Variants in DNAJA4 observed in about 807,000 individuals in gnomAD.
The protein encoded by DNAJA4 is dnaJ homolog subfamily A member 4.
A neutral mutation model predicts 39.7 loss-of-function variants in DNAJA4; 32 were observed. That is an observed-to-expected ratio of 0.81 (90% CI 0.61 to 1.08). The LOEUF is 1.08. Among genes scored for constraint, DNAJA4 ranks in the 50% least tolerant of loss-of-function variants. DNAJA4 has a pLI of 0.00. For synonymous variants in DNAJA4, 184 were observed against 182.4 expected (o/e 1.01, Z -0.07); for missense variants, 439 against 505.1 (o/e 0.87, Z 1.25).
At chr15:78,264,472 A>G (rs2049057757), upstream of DNAJA4, 1 of 1,323,160 alleles carries the variant, frequency 7.6e-7, no homozygotes, top group Non-Finnish European at 9.6e-7. Flanking sequence ...AACCTCCGCG[A>G]AGGTTCTAGG....
At chr15:78,273,751 T>A (rs1293599926) in intron 3 of DNAJA4, among the ~76,000 whole-genome samples, 1 of 152,200 alleles carries the variant, frequency 6.6e-6, no homozygotes, top group South Asian at 2.1e-4. Context: ...TTGTAATTTT[T>A]AAAAAACCTG....
chr15:78,265,473 T>C (rs1453496162), intron 1 of DNAJA4: 2 of 702,252 alleles, frequency 2.8e-6, no homozygotes, highest in Non-Finnish European at 5.2e-6. Context: ...ATTTTCTTTA[T>C]TAAACAGGGA....
chr15:78,274,346 C>T lies in DNAJA4; in HGVS notation c.568C>T (p.Pro190Ser). The T allele has an allele frequency of 6.2e-7, 1 of 1,614,192 alleles. No individual in the cohort carries two copies. The highest frequency in any genetic ancestry group is 8.5e-7 in the Non-Finnish European group (1 of 1,180,044). The change falls in exon 4 of 7, where the codon CCC (proline) becomes TCC (serine). Residue 190 changes from proline (P) to serine (S), a missense_variant. Physicochemically the swap from Pro to Ser is moderately conservative, Grantham distance 74. Transcript: ENST00000394852. ...CAAGGGCCAGGGTGAGCGCATCAAC[C>T]CCAAGGACCGCTGCGAGAGCTGCAG... Reference protein sequence around the residue: ...ECKGQGERINPKDRCESCSGA... With the variant: ...ECKGQGERINSKDRCESCSGA...
intron 1 of DNAJA4, 27 bp from the exon 2 acceptor site, chr15:78,270,470 A>AAT (rs780555053): frequency 1.3e-6 from 2 of 1,587,962 alleles, no homozygotes; most frequent in Non-Finnish European, 1.7e-6. Flanking sequence ...ACTTCTCTAA[A>AAT]AATCTCTCTC....
chr15:78,278,358 T>C (rs751322757), intron 5 of DNAJA4: 16 of 448,460 alleles, frequency 3.6e-5, no homozygotes, highest in Middle Eastern at 5.4e-4. Context: ...GAAGGGGATA[T>C]GTTCTGAGAG....
At chr15:78,268,959 A>T (rs2049219987) in intron 1 of DNAJA4, among the ~76,000 whole-genome samples, 1 of 152,212 alleles carries the variant, frequency 6.6e-6, no homozygotes, top group African/African-American at 2.4e-5. Flanking sequence ...ACCAGGAGGC[A>T]TCCCTGAGAA....
At position 78,274,197 on chromosome 15, in the gene DNAJA4, G is replaced by T. The variant is rs897684172; in HGVS notation, c.419G>T (p.Gly140Val). 7 of 1,613,262 alleles carry T rather than the reference G, an allele frequency of 4.3e-6. No individual in the cohort carries two copies. The highest frequency in any genetic ancestry group is 5.1e-6 in the Non-Finnish European group (6 of 1,179,514). Residue 140 changes from glycine (G) to valine (V), a missense_variant and splice_region_variant, in exon 4 of 7, where the codon GGT becomes GTT. Physicochemically the swap from Gly to Val is moderately radical, Grantham distance 109 (BLOSUM62 -3). Transcript: ENST00000394852. ...ATTCCTGCCTCCCCTGACCCTGCAG[G>T]TGTTGGTGGGAAGAAGGGATCGGTG... Reference protein sequence around the residue: ...QKNVICEKCEGVGGKKGSVEK... With the variant: ...QKNVICEKCEVVGGKKGSVEK...
Position 78,281,787 on chromosome 15 carries a change from T to C in DNAJA4, c.*1327T>C, listed in dbSNP as rs1222188521. 5.3e-5 allele frequency: 8 copies of C among 152,344 alleles called. No homozygotes were observed. Among genetic ancestry groups the C allele is most frequent in the African/African-American group, 1.9e-4 (8 of 41,580 alleles). The allele number at this position is 152,344 out of a possible 1,614,324, so 9.4% of individuals were successfully genotyped here. A position where few individuals can be genotyped will look rare whatever the true frequency, so the allele number is the denominator to read the frequency against. On this transcript the variant is annotated 3_prime_UTR_variant, in exon 7 of 7. Coordinates refer to ENST00000394852, the MANE Select transcript of DNAJA4 (RefSeq NM_001130182.2). Reference sequence around the variant, plus strand: ...GAGAGTTTCACTCAGACCAGGGATCTTCCTTAGGAGGGTCAAAGTGCAGAT... The same window carrying C: ...GAGAGTTTCACTCAGACCAGGGATCCTCCTTAGGAGGGTCAAAGTGCAGAT...
At chr15:78,265,431 C>G (rs553554565) in intron 1 of DNAJA4, 1 of 700,396 alleles carries the variant, frequency 1.4e-6, no homozygotes, top group Non-Finnish European at 2.6e-6. Flanking sequence ...CTACTGCCTA[C>G]CTGATAAAAG....
intron 5 of DNAJA4, among the ~76,000 whole-genome samples, chr15:78,276,524 G>A (rs1239109427): frequency 1.3e-5 from 2 of 152,232 alleles, no homozygotes; most frequent in Non-Finnish European, 2.9e-5. Context: ...CCTAGAAGGG[G>A]CTGAGAAGGG....
Position 78,266,171 on chromosome 15 carries a change from C to T in DNAJA4, c.132+1276C>T, listed in dbSNP as rs775583047. Reference sequence around the variant, plus strand: ...CCTGCTCCCTACATTCATTGTGGTCCGCTTCTGACAGTCTCCTTTAAGGAG... The same window carrying T: ...CCTGCTCCCTACATTCATTGTGGTCTGCTTCTGACAGTCTCCTTTAAGGAG... On this transcript the variant is annotated intron_variant, in intron 1 of 6. Transcript: ENST00000394852. 4.6e-5 allele frequency: 72 copies of T among 1,559,092 alleles called. No individual in the cohort carries two copies. In the Middle Eastern group the frequency reaches 1.5e-3, roughly 33 times the overall value.
chr15:78,270,671 A>T lies in DNAJA4; in HGVS notation c.307A>T (p.Arg103Ter). The change falls in exon 2 of 7, where the codon AGA becomes TGA. Residue 103 changes from arginine (R) to a stop codon, truncating the protein, a stop_gained. Transcript: ENST00000394852. LOFTEE classifies it high-confidence loss of function. ...FGGGGRMARERRGKNVVHQLS... is the reference protein window; with the variant it reads ...FGGGGRMARE ...TGGTGGTGGACGGATGGCTAGAGAGAGAAGAGGTAAATGCTTTTAAAGAAA... is the reference window on the plus strand; with the variant it reads ...TGGTGGTGGACGGATGGCTAGAGAGTGAAGAGGTAAATGCTTTTAAAGAAA... 1 of 1,612,372 alleles carries T rather than the reference A, an allele frequency of 6.2e-7. No homozygotes were observed. Among genetic ancestry groups the T allele is most frequent in the Non-Finnish European group, 8.5e-7 (1 of 1,179,462 alleles).
intron 5 of DNAJA4, 69 bp downstream of exon 5, chr15:78,275,797 T>A (rs1195494856): frequency 1.8e-6 from 2 of 1,122,426 alleles, no homozygotes; most frequent in African/African-American, 1.6e-5. Flanking sequence ...CAAGTTAGCC[T>A]GATTTTTTTA....
chr15:78,264,259 G>A (rs2049052402), upstream of DNAJA4: 3 of 1,263,090 alleles, frequency 2.4e-6, no homozygotes, highest in Non-Finnish European at 2.0e-6. Context: ...CGGGGCGGCG[G>A]GACAGTTGTC....
At chr15:78,270,985 T>C (rs1392011334) in intron 2 of DNAJA4, among the ~76,000 whole-genome samples, 1 of 152,152 alleles carries the variant, frequency 6.6e-6, no homozygotes, top group Non-Finnish European at 1.5e-5. Flanking sequence ...GGAGGAAAAC[T>C]TGAGCCCAGG....
At chr15:78,274,618 A>G (rs2049395847) in intron 4 of DNAJA4, 194 bp downstream of exon 4, 3 of 610,352 alleles carry the variant, frequency 4.9e-6, no homozygotes, top group Non-Finnish European at 8.7e-6. Context: ...CACCTGCCAA[A>G]GTGTTCTTGC....
Position 78,275,710 on chromosome 15 carries a change from G to C in DNAJA4, c.859G>C (p.Val287Leu), listed in dbSNP as rs757504374. 1 of 1,609,458 alleles carries C rather than the reference G, an allele frequency of 6.2e-7. No individual in the cohort carries two copies. Among genetic ancestry groups the C allele is most frequent in the South Asian group, 1.1e-5 (1 of 90,984 alleles). The stretch of plus-strand genomic sequence containing the variant: ...AAAAACATTGGACAATCGAATTCTT[G>C]TTATTACATCCAAAGCAGGTAATGT... ...TIKTLDNRIL[V>L]ITSKAGEVIK... Residue 287 changes from valine (V) to leucine (L), a missense_variant, in exon 5 of 7, where the codon GTT (valine) becomes CTT (leucine). By Grantham distance (32) the Val-to-Leu change is conservative (BLOSUM62 1). Transcript: ENST00000394852.
upstream of DNAJA4, chr15:78,264,527 C>T (rs866846615): frequency 1.6e-6 from 2 of 1,232,406 alleles, no homozygotes; most frequent in Admixed American, 8.5e-5. Flanking sequence ...CCGCCGGCGC[C>T]GAATAAAACC....
chr15:78,266,096 T>G lies in DNAJA4; in HGVS notation c.132+1201T>G, dbSNP rs917959324. The G allele has an allele frequency of 3.5e-4, 244 of 705,058 alleles. 2 individuals are homozygous for G. Among genetic ancestry groups the G allele is most frequent in the Admixed American group, 1.4e-4 (5 of 34,986 alleles). The allele number at this position is 705,058 out of a possible 1,614,324, so 43.7% of individuals were successfully genotyped here. ...TCTCATCTATATTTAGATGGCTTAC[T>G]GTAGCTTTTAAAGGCACTGGCGTTT... On this transcript the variant is annotated intron_variant, in intron 1 of 6. Coordinates refer to ENST00000394852, the MANE Select transcript of DNAJA4 (RefSeq NM_001130182.2).
Sources: gnomAD v4.1 joint callset for allele counts (sites outside exome capture counted in the v4.1 genomes callset) on GRCh38, gnomAD v4.1.1 for gene constraint, MANE v1.5 for transcripts, NCBI Gene and HGNC (gene_info 2026-07-23, HGNC 2026-07-21) for gene names.